The following ARHGAP26 variants were observed in gnomAD, a reference collection of about 807,000 sequenced individuals.
ARHGAP26 encodes the protein rho GTPase-activating protein 26.
ARHGAP26 carries 38 observed loss-of-function variants against 104.8 expected under a neutral mutation model. That is an observed-to-expected ratio of 0.36 (90% CI 0.28 to 0.48). ARHGAP26 has a LOEUF of 0.48. Ranked by LOEUF, ARHGAP26 falls within the 20% of genes least tolerant of loss-of-function variation. The probability of loss-of-function intolerance (pLI) is 0.99; values close to 1 mark genes in which losing one functional copy is unlikely to be tolerated. For synonymous variants in ARHGAP26, 341 were observed against 340.0 expected, an observed-to-expected ratio of 1.00 and a Z score of -0.03; for missense variants, 704 against 947.9, an observed-to-expected ratio of 0.74 and a Z score of 3.38.
Position 142,773,153 on chromosome 5 carries a change from T to C in ARHGAP26, c.154+2238T>C, listed in dbSNP as rs184843957. Among the ~76,000 whole-genome samples, 10 of 152,324 alleles carry C rather than the reference T, an allele frequency of 6.6e-5. No individual in the cohort carries two copies. In the East Asian group the frequency reaches 1.5e-3, roughly 24 times the overall value. On this transcript the variant is annotated intron_variant, in intron 1 of 22. Transcript: ENST00000645722. ...TTTCAGACATTCCGATATCATGAGA[T>C]GCTTGCTGCGTGGTATACTACTATA...
intron 11 of ARHGAP26, among the ~76,000 whole-genome samples, chr5:142,956,018 CAG>C (rs537674521): frequency 1.5e-3 from 223 of 152,272 alleles, no homozygotes; most frequent in Non-Finnish European, 2.4e-3. Flanking sequence ...TTAAAGACAA[CAG>C]GGAATTATCT....
chr5:142,841,764 G>C (rs376162127), intron 1 of ARHGAP26, among the ~76,000 whole-genome samples: 4 of 152,250 alleles, frequency 2.6e-5, no homozygotes, highest in African/African-American at 9.6e-5. Context: ...GCTGGCGGAA[G>C]AGGGTAGAGA....
In ARHGAP26 at chr5:142,951,049, C is replaced by G. The variant is rs117146924; in HGVS notation, c.1107+18924C>G. On this transcript the variant is annotated intron_variant, in intron 11 of 22. Transcript: ENST00000645722. ...TCTTTCCCTTTCCCTTTCCCTTCCCCTTCCCCTTCCCCCTCCCCTTCCCTT... is the reference window on the plus strand; with the variant it reads ...TCTTTCCCTTTCCCTTTCCCTTCCCGTTCCCCTTCCCCCTCCCCTTCCCTT... 9.5e-4 allele frequency among the ~76,000 whole-genome samples: 120 copies of G among 126,330 alleles called. 3 individuals carry two copies. In the East Asian group the frequency reaches 0.023, roughly 24 times the overall value. 82.9% of individuals were successfully genotyped at this position (126,330 alleles called of 152,430 possible). A position where few individuals can be genotyped will look rare whatever the true frequency, so the allele number is the denominator to read the frequency against.
intron 17 of ARHGAP26, among the ~76,000 whole-genome samples, chr5:143,065,747 C>T (rs981369143): frequency 5.9e-5 from 9 of 152,262 alleles, no homozygotes; most frequent in South Asian, 2.1e-4. Context: ...CTCATGCCTG[C>T]GTTTCTTACC....
rs571043929 is a variant in ARHGAP26 at position 142,917,302 on chromosome 5, G to A, written c.1028+4009G>A. Among the ~76,000 whole-genome samples the A allele has an allele frequency of 5.3e-5, 8 of 152,256 alleles. No individual in the cohort carries two copies. The South Asian group carries it at 1.5e-3, about 28-fold the overall frequency. On this transcript the variant is annotated intron_variant, in intron 10 of 22. Transcript: ENST00000645722. ...GATCCACCTGCCTCGGCCTCTCAAA[G>A]TGCTGGGATTACAGGCGTGAGCCAC...
At chr5:143,059,827 C>CT (rs1786432436) in intron 17 of ARHGAP26, among the ~76,000 whole-genome samples, 1 of 152,142 alleles carries the variant, frequency 6.6e-6, no homozygotes, top group Non-Finnish European at 1.5e-5. Flanking sequence ...TGTAGACAAG[C>CT]TCTCATGCTG....
At chr5:142,798,045 G>C (rs1032466465) in intron 1 of ARHGAP26, among the ~76,000 whole-genome samples, 3 of 152,180 alleles carry the variant, frequency 2.0e-5, no homozygotes, top group African/African-American at 7.2e-5. Flanking sequence ...CCATTTAGGG[G>C]CTACTAGCAT....
At chr5:142,813,242 A>C (rs895136184) in intron 1 of ARHGAP26, among the ~76,000 whole-genome samples, 16 of 152,160 alleles carry the variant, frequency 1.1e-4, no homozygotes, top group African/African-American at 3.9e-4. Flanking sequence ...AATTCTATAT[A>C]ATTTCTAAAA....
rs551155957 is a variant in ARHGAP26 at position 143,050,763 on chromosome 5, A to G, written c.1286-3676A>G. On this transcript the variant is annotated intron_variant, in intron 14 of 22. Transcript: ENST00000645722. The stretch of plus-strand genomic sequence containing the variant: ...AGTGAAGGGTAGCAGACAAAAGATG[A>G]CAGGACCAGAAGATGATAGACTACT... Among the ~76,000 whole-genome samples, 7 of 152,362 alleles carry G rather than the reference A, an allele frequency of 4.6e-5. No individual in the cohort carries two copies. The East Asian group carries it at 1.2e-3, about 25-fold the overall frequency.
At chr5:143,176,369 C>T (rs941464900) in intron 20 of ARHGAP26, among the ~76,000 whole-genome samples, 1 of 152,180 alleles carries the variant, frequency 6.6e-6, no homozygotes, top group African/African-American at 2.4e-5. Context: ...TCCAGTGGGA[C>T]TCTACTTTGA....
rs189161333 is a variant in ARHGAP26, at chr5:143,045,978, A to C, written c.1285+4088A>C. On this transcript the variant is annotated intron_variant, in intron 14 of 22. Transcript: ENST00000645722. ...GAAACCCTTTCTCTACTAAAAATAC[A>C]AAAAAATTAGTCAGGTGTGGTGGTG... Among the ~76,000 whole-genome samples, 233 of 152,230 alleles carry C rather than the reference A, an allele frequency of 1.5e-3. 1 individual carries two copies. Among genetic ancestry groups the C allele is most frequent in the African/African-American group, 5.1e-3 (213 of 41,548 alleles).
At chr5:143,159,028 T>C (rs544991547) in intron 20 of ARHGAP26, among the ~76,000 whole-genome samples, 1 of 152,216 alleles carries the variant, frequency 6.6e-6, no homozygotes, top group South Asian at 2.1e-4. Flanking sequence ...GATAGTAGAG[T>C]AAGCCAGGGC....
At chr5:143,142,134 CTTTTTTTTTTT>C (rs762332039) in intron 19 of ARHGAP26, among the ~76,000 whole-genome samples, 5 of 105,348 alleles carry the variant, frequency 4.7e-5, no homozygotes, top group South Asian at 3.6e-4. Flanking sequence ...CTACTTTTCA[CTTTTTTTTTTT>C]TTTTTTTTTT....
At chr5:142,821,856 A>G (rs1766261476) in intron 1 of ARHGAP26, among the ~76,000 whole-genome samples, 1 of 152,142 alleles carries the variant, frequency 6.6e-6, no homozygotes. Context: ...TTTGCCCCTT[A>G]CGTATTGGTG....
At chr5:142,797,060 C>T (rs907536587) in intron 1 of ARHGAP26, among the ~76,000 whole-genome samples, 3 of 152,190 alleles carry the variant, frequency 2.0e-5, no homozygotes. Context: ...TTAGGTGACA[C>T]AGTGAAGAGT....
intron 1 of ARHGAP26, among the ~76,000 whole-genome samples, chr5:142,862,574 C>T (rs13159551): frequency 0.061 from 9,277 of 152,072 alleles, 392 homozygotes; most frequent in East Asian, 0.17. Context: ...TTGATAACTC[C>T]CTGGTAGAAG....
At chr5:143,189,996 A>G (rs1321703949) in intron 20 of ARHGAP26, among the ~76,000 whole-genome samples, 1 of 151,296 alleles carries the variant, frequency 6.6e-6, no homozygotes, top group East Asian at 1.9e-4. Context: ...CTAATAGCTA[A>G]GGTTTTACTA....
chr5:142,831,404 GAAGAC>G (rs1768404417), intron 1 of ARHGAP26, among the ~76,000 whole-genome samples: 1 of 151,758 alleles, frequency 6.6e-6, no homozygotes, highest in Admixed American at 6.6e-5. Context: ...GTTGTCCACA[GAAGAC>G]AATCTCTGAG....
intron 1 of ARHGAP26, among the ~76,000 whole-genome samples, chr5:142,829,411 A>C (rs1050272250): frequency 6.6e-6 from 1 of 152,228 alleles, no homozygotes; most frequent in African/African-American, 2.4e-5. Context: ...CCCCCTTAGT[A>C]GATCATGATA....
Sources: allele counts gnomAD v4.1 joint callset (sites outside exome capture counted in the v4.1 genomes callset), GRCh38; gene constraint gnomAD v4.1.1; transcripts MANE v1.5; gene names NCBI Gene and HGNC (gene_info 2026-07-23, HGNC 2026-07-21).